Variants in SATL1 observed in about 807,000 individuals in gnomAD.
SATL1 encodes spermidine/spermine N1-acetyl transferase like 1, also known as spermidine/spermine N(1)-acetyltransferase-like protein 1.
SATL1 carries 47 observed loss-of-function variants against 51.8 expected under a neutral mutation model. The ratio of observed to expected loss-of-function variants is 0.91; its 90% CI spans 0.72 to 1.16. The LOEUF is 1.16. Among genes scored for constraint, SATL1 ranks in the 50% most tolerant of loss-of-function variants. The probability of loss-of-function intolerance (pLI) is 0.00; values close to 1 mark genes in which losing one functional copy is unlikely to be tolerated. For synonymous variants in SATL1, 176 were observed against 182.4 expected (o/e 0.97, Z 0.28); for missense variants, 520 against 526.4 (o/e 0.99, Z 0.12).
At chrX:85,156,859 ATATATAT>A (rs1926609218) in intron 2 of SATL1, among the ~76,000 whole-genome samples, 2 of 38,553 alleles carry the variant, frequency 5.2e-5, no homozygotes, top group African/African-American at 1.5e-4. Context: ...ATATATATAT[ATATATAT>A]ATAAAATATG....
At chrX:85,178,284 T>C (rs187738716) in intron 2 of SATL1, among the ~76,000 whole-genome samples, 9 of 111,715 alleles carry the variant, frequency 8.1e-5, no homozygotes, top group Non-Finnish European at 1.7e-4. Context: ...TTCCCAAGAA[T>C]GCCAACAGCA....
chrX:85,141,081 C>T (rs1235064864), intron 2 of SATL1, among the ~76,000 whole-genome samples: 1 of 111,461 alleles, frequency 9.0e-6, no homozygotes, highest in African/African-American at 3.3e-5. Context: ...TGCAGCCATT[C>T]CAAGCATCAC....
intron 1 of SATL1, among the ~76,000 whole-genome samples, chrX:85,229,059 T>C (rs955412352): frequency 2.7e-5 from 3 of 111,721 alleles, no homozygotes; most frequent in African/African-American, 9.7e-5. Context: ...TCTTTGACTT[T>C]TCTCTTTATC....
intron 2 of SATL1, among the ~76,000 whole-genome samples, chrX:85,203,046 A>G (rs1927719012): frequency 9.0e-6 from 1 of 111,507 alleles, no homozygotes; most frequent in Non-Finnish European, 1.9e-5. Flanking sequence ...CACCCACGTA[A>G]CAGTCTGGCC....
At chrX:85,150,387 C>A (rs1466420575) in intron 2 of SATL1, among the ~76,000 whole-genome samples, 1 of 109,701 alleles carries the variant, frequency 9.1e-6, no homozygotes. Context: ...ACCAGAGGTA[C>A]AAGGAGGAAC....
chrX:85,147,076 G>A (rs1195748397), intron 2 of SATL1, among the ~76,000 whole-genome samples: 1 of 113,026 alleles, frequency 8.8e-6, no homozygotes, highest in African/African-American at 3.2e-5. Context: ...TCAAAGAAAG[G>A]GGTGATGGAC....
At chrX:85,130,645 C>T (rs1038591811) in intron 2 of SATL1, among the ~76,000 whole-genome samples, 4 of 111,254 alleles carry the variant, frequency 3.6e-5, no homozygotes, top group African/African-American at 1.3e-4. Context: ...TCTCTATCTC[C>T]TTCTGTTCTG....
intron 2 of SATL1, among the ~76,000 whole-genome samples, chrX:85,151,310 T>C (rs1245518493): frequency 9.0e-6 from 1 of 110,508 alleles, no homozygotes; most frequent in Non-Finnish European, 1.9e-5. Flanking sequence ...CTCAAGGAAA[T>C]AAAAAAGGAT....
At chrX:85,202,652 C>T (rs751697707) in intron 2 of SATL1, among the ~76,000 whole-genome samples, 5 of 111,932 alleles carry the variant, frequency 4.5e-5, no homozygotes, top group Non-Finnish European at 9.4e-5. Flanking sequence ...GGCTTCAATC[C>T]ATAGCGATGC....
intron 2 of SATL1, among the ~76,000 whole-genome samples, chrX:85,202,002 A>C (rs1204725908): frequency 8.9e-6 from 1 of 111,951 alleles, no homozygotes; most frequent in East Asian, 2.8e-4. Flanking sequence ...GATGGGTTGA[A>C]TGGTACTTCT....
At chrX:85,202,749 C>T (rs1042339202) in intron 2 of SATL1, among the ~76,000 whole-genome samples, 1 of 111,963 alleles carries the variant, frequency 8.9e-6, no homozygotes, top group Non-Finnish European at 1.9e-5. Context: ...TGGTGATGAG[C>T]CATGGAGGGT....
At chrX:85,119,598 T>C (rs1225891817) in intron 2 of SATL1, among the ~76,000 whole-genome samples, 2 of 111,943 alleles carry the variant, frequency 1.8e-5, no homozygotes, top group Non-Finnish European at 3.8e-5. Flanking sequence ...TAAATATTTC[T>C]TGGAAACTCT....
chrX:85,243,724 A>G lies in SATL1; in HGVS notation c.-571T>C, dbSNP rs1928705497. On this transcript the variant is annotated 5_prime_UTR_variant, in exon 1 of 8. Coordinates refer to ENST00000644105, the MANE Select transcript of SATL1 (RefSeq NM_001367857.2). ...CTCCCTTTCTTCGTTTCCCTTGGGAAACCTGGAAAACAGAAAATCTTCCCA... is the reference window on the plus strand; with the variant it reads ...CTCCCTTTCTTCGTTTCCCTTGGGAGACCTGGAAAACAGAAAATCTTCCCA... 9.2e-6 allele frequency: 1 copy of G among 109,047 alleles called. No homozygotes were observed. The highest frequency in any genetic ancestry group is 3.3e-5 in the African/African-American group (1 of 29,858). The allele number at this position is 109,047 out of a possible 1,213,427, so 9.0% of individuals were successfully genotyped here. A position where few individuals can be genotyped will look rare whatever the true frequency, so the allele number is the denominator to read the frequency against.
intron 1 of SATL1, among the ~76,000 whole-genome samples, chrX:85,241,146 T>A (rs1020224690): frequency 9.0e-6 from 1 of 111,613 alleles, no homozygotes; most frequent in African/African-American, 3.3e-5. Flanking sequence ...CTCCCAATGT[T>A]CATTTAAATT....
At chrX:85,157,041 C>T (rs1051768883) in intron 2 of SATL1, among the ~76,000 whole-genome samples, 1 of 106,865 alleles carries the variant, frequency 9.4e-6, no homozygotes, top group East Asian at 2.9e-4. Context: ...GGCAGCAATG[C>T]TTTTATTGTT....
intron 2 of SATL1, among the ~76,000 whole-genome samples, chrX:85,110,082 T>C (rs900417631): frequency 9.8e-5 from 11 of 112,001 alleles, no homozygotes; most frequent in African/African-American, 3.6e-4. Flanking sequence ...CTCAGTGGAA[T>C]GTACGTTTCA....
chrX:85,101,509 G>A (rs1448618884), intron 4 of SATL1, among the ~76,000 whole-genome samples: 1 of 111,871 alleles, frequency 8.9e-6, no homozygotes, highest in African/African-American at 3.3e-5. Context: ...GACTAGGATG[G>A]GTATTACAAA....
intron 4 of SATL1, among the ~76,000 whole-genome samples, chrX:85,100,064 G>A: frequency 8.9e-6 from 1 of 112,264 alleles, no homozygotes; most frequent in East Asian, 2.8e-4. Context: ...AAATTAGCCA[G>A]GTGTGGTGGC....
At position 85,186,947 on chromosome X, in the gene SATL1, T is replaced by C. The variant is rs755591812; in HGVS notation, c.-313+37258A>G. Among the ~76,000 whole-genome samples, 5 of 111,982 alleles carry C rather than the reference T, an allele frequency of 4.5e-5. No homozygotes were observed. In the East Asian group the frequency reaches 1.4e-3, roughly 32 times the overall value. ...AGTTTGATATAGATTGCTTTGATTA[T>C]ATAGATTTTCTTGGGTAATATGGTC... On this transcript the variant is annotated intron_variant, in intron 2 of 7. Transcript: ENST00000644105.
Sources: gnomAD v4.1 joint callset for allele counts (sites outside exome capture counted in the v4.1 genomes callset) on GRCh38, gnomAD v4.1.1 for gene constraint, MANE v1.5 for transcripts, NCBI Gene and HGNC (gene_info 2026-07-23, HGNC 2026-07-21) for gene names.